The following LINGO1 variants were observed in gnomAD, a reference collection of about 807,000 sequenced individuals.
LINGO1 encodes leucine rich repeat and Ig domain containing 1.
Under a neutral mutation model 37.3 loss-of-function variants are expected in LINGO1, and 11 were observed. That is an observed-to-expected ratio of 0.29 (90% CI 0.19 to 0.49). The LOEUF (loss-of-function observed/expected upper bound fraction) is 0.49, where lower values mean the gene tolerates loss of function less well. LINGO1 is among the 20% of genes least tolerant of loss of function. The pLI, the probability that LINGO1 is intolerant of heterozygous loss-of-function variation, is 0.99. For missense variants in LINGO1, 585 were observed against 878.2 expected (o/e 0.67, Z 4.22); for synonymous variants, 387 against 403.0 (o/e 0.96, Z 0.48).
At chr15:77,811,533 C>G (rs2049436651) in intron 1 of LINGO1, among the ~76,000 whole-genome samples, 1 of 151,016 alleles carries the variant, frequency 6.6e-6, no homozygotes, top group Non-Finnish European at 1.5e-5. Context: ...CTGGGGTTTT[C>G]CTGGCTGTGC....
intron 2 of LINGO1, among the ~76,000 whole-genome samples, chr15:77,733,594 C>T (rs1467614040): frequency 6.6e-6 from 1 of 152,040 alleles, no homozygotes; most frequent in Non-Finnish European, 1.5e-5. Flanking sequence ...AGACCAAATC[C>T]TACCTCGCGA....
intron 3 of LINGO1, among the ~76,000 whole-genome samples, chr15:77,647,506 G>A (rs1456993071): frequency 6.6e-6 from 1 of 152,150 alleles, no homozygotes; most frequent in Non-Finnish European, 1.5e-5. Flanking sequence ...CATTCTAGCA[G>A]GAAGGAATGG....
At chr15:77,742,283 A>G (rs1224830972) in intron 1 of LINGO1, among the ~76,000 whole-genome samples, 1 of 152,240 alleles carries the variant, frequency 6.6e-6, no homozygotes, top group Admixed American at 6.5e-5. Context: ...AGGCCAGCCC[A>G]GCCAGAGCTG....
intron 1 of LINGO1, among the ~76,000 whole-genome samples, chr15:77,621,057 CCTTT>C (rs2073902250): frequency 7.3e-6 from 1 of 136,648 alleles, no homozygotes; most frequent in South Asian, 2.2e-4. Context: ...AGGTTTGGGG[CCTTT>C]TTTTTTTCTT....
At chr15:77,647,574 T>C (rs1432286902) in intron 3 of LINGO1, among the ~76,000 whole-genome samples, 1 of 152,128 alleles carries the variant, frequency 6.6e-6, no homozygotes, top group East Asian at 1.9e-4. Flanking sequence ...GTGCTAAGGA[T>C]CACAGTTGCC....
intron 1 of LINGO1, among the ~76,000 whole-genome samples, chr15:77,624,509 C>A (rs2074032216): frequency 6.6e-6 from 1 of 152,232 alleles, no homozygotes; most frequent in Non-Finnish European, 1.5e-5. Flanking sequence ...TGCCAGCCTT[C>A]CGGCCAGCTC....
chr15:77,799,713 C>T (rs1175813339), intron 1 of LINGO1, among the ~76,000 whole-genome samples: 1 of 152,208 alleles, frequency 6.6e-6, no homozygotes, highest in Non-Finnish European at 1.5e-5. Context: ...GCCCTGCTGG[C>T]CACCATTCTG....
intron 3 of LINGO1, among the ~76,000 whole-genome samples, chr15:77,642,323 G>A (rs1340370039): frequency 6.6e-6 from 1 of 152,234 alleles, no homozygotes; most frequent in Non-Finnish European, 1.5e-5. Flanking sequence ...AGGGAGTGGA[G>A]GAGGGAAACA....
chr15:77,809,337 G>C (rs1489505680), intron 1 of LINGO1, among the ~76,000 whole-genome samples: 1 of 152,210 alleles, frequency 6.6e-6, no homozygotes, highest in Non-Finnish European at 1.5e-5. Context: ...CGGGATCCGG[G>C]GAAGCCAGGC....
chr15:77,789,043 C>T (rs1273833413), upstream of LINGO1, among the ~76,000 whole-genome samples: 1 of 152,208 alleles, frequency 6.6e-6, no homozygotes, highest in African/African-American at 2.4e-5. Flanking sequence ...CCTCGATACT[C>T]CTCCTGTGCA....
At chr15:77,666,923 C>T (rs1019336839) in intron 3 of LINGO1, 2 of 152,168 alleles carry the variant, frequency 1.3e-5, no homozygotes, top group African/African-American at 4.8e-5. Flanking sequence ...AACTCAGCCT[C>T]TCTGAATGAT....
intron 2 of LINGO1, among the ~76,000 whole-genome samples, chr15:77,681,567 G>C (rs1434229181): frequency 6.6e-6 from 1 of 152,194 alleles, no homozygotes; most frequent in Non-Finnish European, 1.5e-5. Flanking sequence ...ATTGCTTTGA[G>C]GGAGGAGTCC....
At position 77,813,630 on chromosome 15, in the gene LINGO1, C is replaced by G. The variant is rs190869314; in HGVS notation, c.-458+6628G>C. ...GCCAGGCCCAGAGGAGGCGCCCAAA[C>G]AGTGATACGTTGAATGATCATAGAT... On this transcript the variant is annotated intron_variant, in intron 1 of 5. Transcript: ENST00000562933. 2.9e-3 allele frequency among the ~76,000 whole-genome samples: 442 copies of G among 152,264 alleles called. 3 individuals carry two copies. Among genetic ancestry groups the G allele is most frequent in the Non-Finnish European group, 3.7e-3 (251 of 68,020 alleles).
intron 1 of LINGO1, among the ~76,000 whole-genome samples, chr15:77,784,167 C>G (rs2076749149): frequency 6.6e-6 from 1 of 152,216 alleles, no homozygotes; most frequent in Admixed American, 6.5e-5. Flanking sequence ...CCGGGGTCTC[C>G]GGGAGGTCCC....
At chr15:77,771,833 T>C (rs1297164714) in intron 1 of LINGO1, among the ~76,000 whole-genome samples, 2 of 152,316 alleles carry the variant, frequency 1.3e-5, no homozygotes, top group East Asian at 3.9e-4. Context: ...TCTGCATGCC[T>C]GTGGACAGGA....
chr15:77,782,854 T>C (rs2076733796), intron 1 of LINGO1, among the ~76,000 whole-genome samples: 1 of 151,876 alleles, frequency 6.6e-6, no homozygotes, highest in Admixed American at 6.5e-5. Context: ...AGAAAGGAAT[T>C]TGGAAAGCAC....
chr15:77,634,619 G>A (rs1596022568), upstream of LINGO1, among the ~76,000 whole-genome samples: 1 of 152,192 alleles, frequency 6.6e-6, no homozygotes, highest in African/African-American at 2.4e-5. Flanking sequence ...CCAGCAGGGG[G>A]CAGGCTCGGC....
Position 77,614,763 on chromosome 15 carries a change from G to A in LINGO1, c.1144C>T (p.Arg382Trp), listed in dbSNP as rs779875158. 13 of 1,607,588 alleles carry A rather than the reference G, an allele frequency of 8.1e-6. No homozygotes were observed. Among genetic ancestry groups the A allele is most frequent in the Non-Finnish European group, 1.1e-5 (13 of 1,177,110 alleles). Residue 382 changes from arginine (R) to tryptophan (W), a missense_variant, in exon 2 of 2, where the codon CGG becomes TGG. Coordinates refer to ENST00000355300, the MANE Select transcript of LINGO1 (RefSeq NM_032808.7). ...ACDCRLLWVF[R>W]RRWRLNFNRQ... ...TTGAAGTTGAGCCGCCAGCGGCGCC[G>A]GAACACCCACAGGAGCCGACAGTCG...
intron 1 of LINGO1, among the ~76,000 whole-genome samples, chr15:77,766,041 T>C (rs1423657375): frequency 2.6e-5 from 4 of 152,148 alleles, no homozygotes; most frequent in African/African-American, 9.7e-5. Flanking sequence ...ACTCAATAAA[T>C]GTTTGCTAAG....
Sources: gnomAD v4.1 joint callset for allele counts (sites outside exome capture counted in the v4.1 genomes callset) on GRCh38, gnomAD v4.1.1 for gene constraint, MANE v1.5 for transcripts, NCBI Gene and HGNC (gene_info 2026-07-23, HGNC 2026-07-21) for gene names.